Variants in DHTKD1 observed in about 807,000 individuals in gnomAD.
DHTKD1 encodes dehydrogenase E1 and transketolase domain containing 1.
Under a neutral mutation model 101.8 loss-of-function variants are expected in DHTKD1, and 78 were observed. The observed-to-expected ratio is 0.77, with a 90% CI of 0.64 to 0.93. DHTKD1 has a LOEUF of 0.93. Among genes scored for constraint, DHTKD1 ranks in the 40% least tolerant of loss-of-function variants. DHTKD1 has a pLI of 0.00. For missense variants in DHTKD1, 1,223 were observed against 1,161.7 expected (o/e 1.05, Z -0.77); for synonymous variants, 462 against 450.3 (o/e 1.03, Z -0.33).
chr10:12,072,885 T>C (rs574468461), intron 1 of DHTKD1, among the ~76,000 whole-genome samples: 2 of 151,754 alleles, frequency 1.3e-5, no homozygotes, highest in South Asian at 2.1e-4. Flanking sequence ...TACAGGCATG[T>C]ACCACCACAC....
At chr10:12,089,607 GA>G (rs897844896) in intron 5 of DHTKD1, among the ~76,000 whole-genome samples, 103 of 142,906 alleles carry the variant, frequency 7.2e-4, no homozygotes, top group South Asian at 1.3e-3. Flanking sequence ...AGACAAGCGT[GA>G]AAAAAAAAAA....
At chr10:12,120,148 A>G (rs746556811) in intron 15 of DHTKD1, 34 bp from the exon 16 acceptor site, 5 of 1,546,972 alleles carry the variant, frequency 3.2e-6, no homozygotes, top group Admixed American at 1.7e-5. Context: ...GCATGTGTCT[A>G]CTTGAGGTGC....
At chr10:12,112,004 G>A (rs1050370130) in intron 12 of DHTKD1, among the ~76,000 whole-genome samples, 2 of 151,972 alleles carry the variant, frequency 1.3e-5, no homozygotes, top group African/African-American at 4.8e-5. Flanking sequence ...AATCAAGGGT[G>A]TATGCAAAAA....
At chr10:12,102,899 C>T (rs1275302595) in intron 10 of DHTKD1, among the ~76,000 whole-genome samples, 4 of 151,266 alleles carry the variant, frequency 2.6e-5, no homozygotes, top group East Asian at 2.0e-4. Flanking sequence ...GGATTACAGG[C>T]GTGAACCACC....
chr10:12,083,786 A>G (rs1382565369), intron 2 of DHTKD1, among the ~76,000 whole-genome samples: 1 of 152,206 alleles, frequency 6.6e-6, no homozygotes, highest in Non-Finnish European at 1.5e-5. Flanking sequence ...GGCATAAAGC[A>G]GCAGTAGGCT....
rs545518487 is a variant in DHTKD1 at position 12,087,649 on chromosome 10, G to A, written c.637G>A (p.Gly213Arg). ...GCTGCTGAAAATGTCGGCCTACAGCGGGATCACTGATGTCATTATTGGGAT... is the reference window on the plus strand; with the variant it reads ...GCTGCTGAAAATGTCGGCCTACAGCAGGATCACTGATGTCATTATTGGGAT... ...HELLKMSAYS[G>R]ITDVIIGMPH... Residue 213 changes from glycine to arginine, a missense_variant, in exon 4 of 17, where the codon GGG becomes AGG. Transcript: ENST00000263035. The surrounding 1 kb of genome is among the most constrained non-coding windows in gnomAD (Gnocchi z 5.2). 8.1e-6 allele frequency: 13 copies of A among 1,614,020 alleles called. No homozygotes were observed. Among genetic ancestry groups the A allele is most frequent in the African/African-American group, 6.7e-5 (5 of 75,048 alleles).
chr10:12,104,460 C>A (rs1327260991), intron 10 of DHTKD1, among the ~76,000 whole-genome samples: 4 of 152,094 alleles, frequency 2.6e-5, no homozygotes, highest in Admixed American at 2.6e-4. Flanking sequence ...AGGTGTGAGC[C>A]ACCACACTCT....
At chr10:12,069,961 A>G (rs543630060) in intron 1 of DHTKD1, among the ~76,000 whole-genome samples, 3 of 152,114 alleles carry the variant, frequency 2.0e-5, no homozygotes, top group Admixed American at 2.0e-4. Flanking sequence ...GGGGTCCAAG[A>G]CTGCATTGCT....
chr10:12,078,222 G>A (rs1832763093), intron 1 of DHTKD1, among the ~76,000 whole-genome samples: 2 of 151,770 alleles, frequency 1.3e-5, no homozygotes, highest in Admixed American at 1.3e-4. Flanking sequence ...GTCAGGAGTT[G>A]GAGACCAGCC....
At chr10:12,089,379 A>C in intron 5 of DHTKD1, 124 bp downstream of exon 5, 1 of 972,452 alleles carries the variant, frequency 1.0e-6, no homozygotes. Flanking sequence ...TTGGAAAAAG[A>C]TTCTGGGATT....
At chr10:12,111,944 C>A (rs1303400164) in intron 12 of DHTKD1, among the ~76,000 whole-genome samples, 1 of 152,004 alleles carries the variant, frequency 6.6e-6, no homozygotes, top group South Asian at 2.1e-4. Flanking sequence ...ATGGAACAGG[C>A]AGAAAGTGGG....
chr10:12,091,757 A>C, intron 6 of DHTKD1, 73 bp downstream of exon 6: 1 of 1,274,966 alleles, frequency 7.8e-7, no homozygotes, highest in Non-Finnish European at 1.1e-6. Context: ...TGGTGCACAC[A>C]GAACAATGAG....
In DHTKD1 at chr10:12,115,237, C is replaced by T. The variant is rs137873228; in HGVS notation, c.2319+2173C>T. Among the ~76,000 whole-genome samples, 594 of 152,302 alleles carry T rather than the reference C, an allele frequency of 3.9e-3. 9 individuals are homozygous for T. Among genetic ancestry groups the T allele is most frequent in the African/African-American group, 0.013 (543 of 41,570 alleles). The stretch of plus-strand genomic sequence containing the variant: ...TCAGCCTCCCCAGTAGCTGGGATTA[C>T]AGGCTTGTACCACCATGCTCAGCTA... On this transcript the variant is annotated intron_variant, in intron 13 of 16. Transcript: ENST00000263035.
chr10:12,108,425 TATGCCACC>T (rs1313606858), intron 12 of DHTKD1, among the ~76,000 whole-genome samples: 1 of 152,046 alleles, frequency 6.6e-6, no homozygotes, highest in Admixed American at 6.6e-5. Flanking sequence ...ACCACAGGCG[TATGCCACC>T]ATGCCTGGCT....
In DHTKD1 at chr10:12,121,218, T is replaced by TAAAA; in HGVS notation, c.*330_*331insAAAA. The TAAAA allele has an allele frequency of 1.3e-4, 2 of 15,526 alleles. No individual in the cohort carries two copies. The highest frequency in any genetic ancestry group is 1.8e-4 in the African/African-American group (1 of 5,632). The allele number at this position is 15,526 out of a possible 1,614,324, so 1.0% of individuals were successfully genotyped here. On this transcript the variant is annotated 3_prime_UTR_variant, in exon 17 of 17. Coordinates refer to ENST00000263035, the MANE Select transcript of DHTKD1 (RefSeq NM_018706.7). ...CTGGGTGACAGAGCAAGACTGCGTT[T>TAAAA]CAAAAAAAAAAAAAAAAAAACCCAT...
intron 15 of DHTKD1, among the ~76,000 whole-genome samples, chr10:12,119,640 G>C (rs182122601): frequency 7.2e-6 from 1 of 138,408 alleles, no homozygotes; most frequent in Admixed American, 7.2e-5. Context: ...AAAAAAGAAA[G>C]AAAATTTGGT....
At position 12,087,516 on chromosome 10, in the gene DHTKD1, C is replaced by T. The variant is rs1392113152; in HGVS notation, c.523-19C>T. The T allele has an allele frequency of 2.5e-6, 4 of 1,571,144 alleles. No individual in the cohort carries two copies. The highest frequency in any genetic ancestry group is 2.4e-5 in the South Asian group (2 of 83,682). ...CTGGCTGTCTCCTGGCAGCTCACGT[C>T]TGACATGATGTTCTGCAGGAGTTTG... On this transcript the variant is annotated intron_variant, in intron 3 of 16. Transcript: ENST00000263035. This position sits in a 1 kb window ranked among gnomAD's most constrained non-coding sequence, Gnocchi z 5.2.
chr10:12,119,022 T>C (rs1833470971), intron 15 of DHTKD1, 104 bp downstream of exon 15: 1 of 1,220,204 alleles, frequency 8.2e-7, no homozygotes, highest in East Asian at 2.8e-5. Context: ...AAATTGAATC[T>C]TGGGCCGGGC....
chr10:12,076,901 C>T (rs1261801000), intron 1 of DHTKD1, among the ~76,000 whole-genome samples: 4 of 149,756 alleles, frequency 2.7e-5, no homozygotes, highest in Non-Finnish European at 5.9e-5. Flanking sequence ...TGTGATCCTC[C>T]TGCCTCCGCC....
Sources: gnomAD v4.1 joint callset for allele counts (sites outside exome capture counted in the v4.1 genomes callset) on GRCh38, gnomAD v4.1.1 for gene constraint, Gnocchi (gnomAD v3.1) non-coding constraint, MANE v1.5 for transcripts, NCBI Gene and HGNC (gene_info 2026-07-23, HGNC 2026-07-21) for gene names.